The following GNL3 variants were observed in gnomAD, a reference collection of about 807,000 sequenced individuals.
GNL3 encodes guanine nucleotide-binding protein-like 3.
GNL3 carries 77 observed loss-of-function variants against 70.6 expected under a neutral mutation model. That is an observed-to-expected ratio of 1.09 (90% CI 0.91 to 1.32). The LOEUF (loss-of-function observed/expected upper bound fraction) is 1.32, where lower values mean the gene tolerates loss of function less well. Among genes scored for constraint, GNL3 ranks in the 40% most tolerant of loss-of-function variants. The pLI is 0.00. For synonymous variants in GNL3, 252 were observed against 216.1 expected, an observed-to-expected ratio of 1.17 and a Z score of -1.46; for missense variants, 634 against 644.0, an observed-to-expected ratio of 0.98 and a Z score of 0.17.
At chr3:52,690,737 T>C (rs766224059) in intron 7 of GNL3, 33 bp downstream of exon 7, 2 of 1,328,954 alleles carry the variant, frequency 1.5e-6, no homozygotes, top group Admixed American at 4.2e-5. Flanking sequence ...AATGTGATTC[T>C]TTCAGATTTT....
At chr3:52,687,459 A>G (rs763924869) in intron 3 of GNL3, 43 bp from the exon 4 acceptor site, 1 of 1,588,068 alleles carries the variant, frequency 6.3e-7, no homozygotes, top group East Asian at 2.2e-5. Context: ...TAAGGTAACA[A>G]CACTAGTCAC....
At position 52,689,217 on chromosome 3, in the gene GNL3, A is replaced by C. The variant is rs764348665; in HGVS notation, c.541+11A>C. On this transcript the variant is annotated intron_variant, in intron 6 of 14. Transcript: ENST00000418458. ...TATTAAATAAATCAGGTGAGTAAAGAGGGTACCCTTTGTCTTCTGTGTACA... is the reference window on the plus strand; with the variant it reads ...TATTAAATAAATCAGGTGAGTAAAGCGGGTACCCTTTGTCTTCTGTGTACA... 1 of 1,611,068 alleles carries C rather than the reference A, an allele frequency of 6.2e-7. No individual in the cohort carries two copies. The highest frequency in any genetic ancestry group is 8.5e-7 in the Non-Finnish European group (1 of 1,177,282).
chr3:52,686,053 G>T lies in GNL3; in HGVS notation c.-40G>T. ...CTTCAGTTCACACGTGGCGCCAGCG[G>T]AGGCAGGTTGATGTGTTTGTGCTTC... is the stretch of plus-strand genomic sequence containing the variant. On this transcript the variant is annotated 5_prime_UTR_variant, in exon 1 of 15. Transcript: ENST00000418458. 1 of 936,974 alleles carries T rather than the reference G, an allele frequency of 1.1e-6. No homozygotes were observed. The highest frequency in any genetic ancestry group is 2.4e-5 in the East Asian group (1 of 41,878). The allele number at this position is 936,974 out of a possible 1,614,324, so 58.0% of individuals were successfully genotyped here. A position where few individuals can be genotyped will look rare whatever the true frequency, so the allele number is the denominator to read the frequency against.
chr3:52,691,692 A>C, intron 9 of GNL3, 63 bp downstream of exon 9: 75 of 905,048 alleles, frequency 8.3e-5, no homozygotes, highest in Non-Finnish European at 1.2e-4. Flanking sequence ...TGGTTATCTC[A>C]AGGAAGGTGA....
chr3:52,688,414 A>G (rs2097324286), intron 5 of GNL3, among the ~76,000 whole-genome samples: 1 of 152,112 alleles, frequency 6.6e-6, no homozygotes, highest in South Asian at 2.1e-4. Context: ...CCACCTTTTC[A>G]CCAACAAATC....
chr3:52,687,501 G>A lies in GNL3; in HGVS notation c.211-1G>A. ...ACCTATTTCCCTTATGGCTCTGACA[G>A]CTTGAAGAACTAAAACAGCAGCAGA... On this transcript the variant is annotated splice_acceptor_variant, in intron 3 of 14. Coordinates refer to ENST00000418458, the MANE Select transcript of GNL3 (RefSeq NM_014366.5). LOFTEE classifies it high-confidence loss of function. The A allele has an allele frequency of 6.2e-7, 1 of 1,610,236 alleles. No individual in the cohort carries two copies. Among genetic ancestry groups the A allele is most frequent in the Non-Finnish European group, 8.5e-7 (1 of 1,176,596 alleles).
In GNL3 at chr3:52,692,932, C is replaced by T. The variant is rs758017669; in HGVS notation, c.930C>T (p.Ile310=). The part of the protein sequence containing the change: ...QITIIDSPSF[I]VSPLNSSSAL... ...CAATCATAGATAGTCCGAGCTTCAT[C>T]GTATCTCCACTTAATTCCTCCTCTG... The change falls in exon 10 of 15, where the codon ATC becomes ATT. Residue 310 remains isoleucine, a synonymous_variant. Transcript: ENST00000418458. 2.5e-5 allele frequency: 41 copies of T among 1,613,138 alleles called. No individual in the cohort carries two copies. Among genetic ancestry groups the T allele is most frequent in the Non-Finnish European group, 3.2e-5 (38 of 1,179,122 alleles).
In GNL3 at chr3:52,687,533, A is replaced by G. The variant is rs772434267; in HGVS notation, c.242A>G (p.Asp81Gly). Residue 81 changes from aspartate (D) to glycine (G), a missense_variant, in exon 4 of 15, where the codon GAC becomes GGC. Coordinates refer to ENST00000418458, the MANE Select transcript of GNL3 (RefSeq NM_014366.5). ...LEELKQQQKLDRQKELEKKRK... is the reference protein window; with the variant it reads ...LEELKQQQKLGRQKELEKKRK... ...GAACTAAAACAGCAGCAGAAACTTG[A>G]CAGGCAGAAGGAACTAGAAAAGAAA... is the stretch of plus-strand genomic sequence containing the variant. 8.1e-6 allele frequency: 13 copies of G among 1,613,732 alleles called. No homozygotes were observed. The highest frequency in any genetic ancestry group is 1.1e-5 in the Non-Finnish European group (13 of 1,179,616).
intron 1 of GNL3, 116 bp from the exon 2 acceptor site, chr3:52,686,653 T>C: frequency 1.3e-6 from 1 of 743,434 alleles, no homozygotes; most frequent in South Asian, 1.7e-5. Context: ...GCATTTCGCA[T>C]TAGACTTAAC....
At chr3:52,694,143 A>G (rs373795293) in intron 14 of GNL3, 40 bp downstream of exon 14, 48 of 1,588,668 alleles carry the variant, frequency 3.0e-5, no homozygotes, top group Non-Finnish European at 3.6e-5. Flanking sequence ...GCAGCATGGT[A>G]TAGAATCACT....
In GNL3 at chr3:52,691,164, AGTT is replaced by A. The variant is rs60526941; in HGVS notation, c.781+99_781+101del. The A allele has an allele frequency of 2.9e-3, 3,221 of 1,126,184 alleles. 48 individuals carry two copies. In the African/African-American group the frequency reaches 0.036, roughly 13 times the overall value. The allele number at this position is 1,126,184 out of a possible 1,614,324, so 69.8% of individuals were successfully genotyped here. A position where few individuals can be genotyped will look rare whatever the true frequency, so the allele number is the denominator to read the frequency against. Reference sequence around the variant, plus strand: ...CAAGTGCCCAAGCAGCAGTGTATGGAGTTGTTGTCAAGTAAAAGGCTCACTCAA... The same window carrying A: ...CAAGTGCCCAAGCAGCAGTGTATGGAGTTGTCAAGTAAAAGGCTCACTCAA... On this transcript the variant is annotated intron_variant, in intron 8 of 14. Transcript: ENST00000418458.
rs2097329653 is a variant in GNL3, at chr3:52,693,643, C to T, written c.1336C>T (p.Pro446Ser). The T allele has an allele frequency of 6.2e-7, 1 of 1,613,990 alleles. No individual in the cohort carries two copies. The highest frequency in any genetic ancestry group is 8.5e-7 in the Non-Finnish European group (1 of 1,179,934). ...NAQSIRAIKG[P>S]HLANSILFQS... is the part of the protein sequence containing the mutation. ...GCTTTCTTTCCCAGCCATCAAGGGCCCTCATTTGGCCAATAGCATCCTTTT... is the reference window on the plus strand; with the variant it reads ...GCTTTCTTTCCCAGCCATCAAGGGCTCTCATTTGGCCAATAGCATCCTTTT... The change falls in exon 13 of 15, where the codon CCT becomes TCT. Residue 446 changes from proline to serine, a missense_variant. Physicochemically the swap from Pro to Ser is moderately conservative, Grantham distance 74. Transcript: ENST00000418458.
Position 52,690,981 on chromosome 3 carries a change from A to T in GNL3, c.691A>T (p.Ser231Cys), listed in dbSNP as rs369801972. 2.7e-5 allele frequency: 43 copies of T among 1,613,806 alleles called. No homozygotes were observed. Among genetic ancestry groups the T allele is most frequent in the Non-Finnish European group, 3.5e-5 (41 of 1,179,776 alleles). ...AAAGAAGAATGCTGCTCCATTCAGA[A>T]GTGAAGTCTGCTTTGGGAAAGAGGG... ...KAKKNAAPFRSEVCFGKEGLW... is the reference protein window; with the variant it reads ...KAKKNAAPFRCEVCFGKEGLW... The change falls in exon 8 of 15, where the codon AGT (serine) becomes TGT (cysteine). Residue 231 changes from serine to cysteine, a missense_variant. Ser to Cys is a moderately radical substitution (Grantham distance 112, BLOSUM62 -1). Transcript: ENST00000418458.
At chr3:52,688,949 A>G (rs2154099507) in intron 5 of GNL3, 125 bp from the exon 6 acceptor site, 1 of 752,784 alleles carries the variant, frequency 1.3e-6, no homozygotes, top group Non-Finnish European at 2.3e-6. Flanking sequence ...TCCAACTCTG[A>G]GCTCACCCTG....
In GNL3 at chr3:52,688,913, C is replaced by A. The variant is rs114535630; in HGVS notation, c.409-161C>A. On this transcript the variant is annotated intron_variant, in intron 5 of 14. Coordinates refer to ENST00000418458, the MANE Select transcript of GNL3 (RefSeq NM_014366.5). ...GTGAGAAATGATGAGGGTCAACATT[C>A]TTCATACCAAAGTGAAGACATGAGA... is the stretch of plus-strand genomic sequence containing the variant. 2.2e-3 allele frequency: 1,446 copies of A among 649,316 alleles called. 19 individuals are homozygous for A. The African/African-American group carries it at 0.023, about 10-fold the overall frequency. The allele number at this position is 649,316 out of a possible 1,614,324, so 40.2% of individuals were successfully genotyped here.
intron 6 of GNL3, 49 bp downstream of exon 6, chr3:52,689,255 G>C: frequency 6.6e-7 from 1 of 1,523,118 alleles, no homozygotes; most frequent in Non-Finnish European, 9.1e-7. Flanking sequence ...GGTGAGGTAC[G>C]AGGAAACAGT....
chr3:52,692,704 A>AACAGTCG lies in GNL3; in HGVS notation c.870-167_870-161dup, dbSNP rs769014091. The AACAGTCG allele has an allele frequency of 3.0e-5, 23 of 763,416 alleles. No homozygotes were observed. In the Admixed American group the frequency reaches 3.9e-4, roughly 13 times the overall value. 47.3% of individuals were successfully genotyped at this position (763,416 alleles called of 1,614,324 possible). ...CTATAACATGTAGTGTTCTCTTTAG[A>AACAGTCG]ACAGTCGGGTATGCTGTTACAGTTT... On this transcript the variant is annotated intron_variant, in intron 9 of 14. Coordinates refer to ENST00000418458, the MANE Select transcript of GNL3 (RefSeq NM_014366.5).
chr3:52,693,607 T>C (rs755491209), intron 12 of GNL3, 25 bp from the exon 13 acceptor site: 16 of 1,613,940 alleles, frequency 9.9e-6, no homozygotes, highest in Non-Finnish European at 1.4e-5. Flanking sequence ...CTTACCTGTT[T>C]ACATGGGCTT....
At chr3:52,692,689 T>C (rs761692916) in intron 9 of GNL3, 183 bp from the exon 10 acceptor site, 3 of 755,824 alleles carry the variant, frequency 4.0e-6, no homozygotes, top group South Asian at 1.4e-5. Context: ...CTATAACATG[T>C]AGTGTTCTCT....
Sources: allele counts gnomAD v4.1 joint callset (sites outside exome capture counted in the v4.1 genomes callset), GRCh38; gene constraint gnomAD v4.1.1; transcripts MANE v1.5; gene names NCBI Gene and HGNC (gene_info 2026-07-23, HGNC 2026-07-21).